KLHDC1: variants seen among roughly 807,000 people sequenced by gnomAD.
KLHDC1 encodes the protein kelch domain-containing protein 1.
Under a neutral mutation model 68.3 loss-of-function variants are expected in KLHDC1, and 53 were observed. The ratio of observed to expected loss-of-function variants is 0.78; its 90% confidence interval spans 0.62 to 0.98. The LOEUF is 0.98. KLHDC1 is among the 50% of genes least tolerant of loss of function. KLHDC1 has a pLI of 0.00. For synonymous variants in KLHDC1, 148 were observed against 159.0 expected, an observed-to-expected ratio of 0.93 and a Z score of 0.52; for missense variants, 470 against 492.3, an observed-to-expected ratio of 0.95 and a Z score of 0.43.
chr14:49,749,074 C>T (rs1889264080), intron 12 of KLHDC1, among the ~76,000 whole-genome samples: 1 of 152,054 alleles, frequency 6.6e-6, no homozygotes, highest in Non-Finnish European at 1.5e-5. Context: ...GCTGGGATTA[C>T]AGGCGTGAGC....
intron 10 of KLHDC1, among the ~76,000 whole-genome samples, chr14:49,734,995 CA>C (rs1307000378): frequency 6.6e-6 from 1 of 151,774 alleles, no homozygotes; most frequent in African/African-American, 2.4e-5. Context: ...AATAAGCAGA[CA>C]AAAATGGGGT....
At chr14:49,711,026 A>ACT (rs10631064) in intron 4 of KLHDC1, among the ~76,000 whole-genome samples, 145,039 of 152,118 alleles carry the variant, frequency 0.95, 69,523 homozygotes, top group East Asian at 1. Context: ...ATGGAGTCTC[A>ACT]CTGTTGCTCA....
intron 12 of KLHDC1, among the ~76,000 whole-genome samples, chr14:49,745,387 TC>T (rs1382248226): frequency 2.6e-5 from 4 of 152,204 alleles, no homozygotes; most frequent in African/African-American, 9.7e-5. Flanking sequence ...GATTGCAAGT[TC>T]CTCATATGCA....
chr14:49,695,324 G>C (rs139081699), intron 1 of KLHDC1, among the ~76,000 whole-genome samples: 85 of 152,196 alleles, frequency 5.6e-4, no homozygotes, highest in African/African-American at 1.9e-3. Flanking sequence ...TAAATAATAA[G>C]ACTTGAAAGT....
intron 1 of KLHDC1, among the ~76,000 whole-genome samples, chr14:49,695,287 C>G (rs1566590403): frequency 6.6e-6 from 1 of 152,000 alleles, no homozygotes; most frequent in Admixed American, 6.6e-5. Context: ...CGTGAGCCAC[C>G]GTGCCCAGCC....
At chr14:49,716,948 T>C (rs745576288) in intron 4 of KLHDC1, among the ~76,000 whole-genome samples, 1 of 152,172 alleles carries the variant, frequency 6.6e-6, no homozygotes, top group Non-Finnish European at 1.5e-5. Flanking sequence ...AGATAATAGG[T>C]ATTTCATAAA....
At chr14:49,709,921 T>A in intron 3 of KLHDC1, 95 bp downstream of exon 3, 1 of 660,674 alleles carries the variant, frequency 1.5e-6, no homozygotes, top group Middle Eastern at 4.0e-4. Flanking sequence ...AGAAGATATA[T>A]ATAGAAAACC....
intron 6 of KLHDC1, 121 bp downstream of exon 6, chr14:49,725,890 C>T (rs988814446): frequency 7.0e-6 from 4 of 573,362 alleles, no homozygotes; most frequent in Non-Finnish European, 6.1e-6. Context: ...CTCTGTTGCC[C>T]AGGCTGGAGT....
intron 1 of KLHDC1, among the ~76,000 whole-genome samples, chr14:49,696,182 C>T (rs961895556): frequency 6.6e-6 from 1 of 151,080 alleles, no homozygotes; most frequent in African/African-American, 2.4e-5. Context: ...CTTCACCTTG[C>T]ACTTTTTTTT....
At chr14:49,745,982 T>C (rs1223265204) in intron 12 of KLHDC1, among the ~76,000 whole-genome samples, 1 of 152,008 alleles carries the variant, frequency 6.6e-6, no homozygotes, top group East Asian at 1.9e-4. Context: ...GTAAAGAAAA[T>C]TGGTAAAGAG....
intron 4 of KLHDC1, among the ~76,000 whole-genome samples, chr14:49,715,765 A>AAAAAAATATAT (rs1888360062): frequency 1.9e-5 from 1 of 51,396 alleles, no homozygotes; most frequent in African/African-American, 9.2e-5. Context: ...AAAAAAAAAA[A>AAAAAAATATAT]ATATATATAT....
chr14:49,710,191 G>T (rs748215088), intron 3 of KLHDC1, 72 bp from the exon 4 acceptor site: 3 of 800,960 alleles, frequency 3.7e-6, no homozygotes, highest in South Asian at 1.6e-5. Context: ...TTAATTCTTG[G>T]ATCACATTCC....
intron 1 of KLHDC1, among the ~76,000 whole-genome samples, chr14:49,693,742 C>CTTTTTTTTTTTTTTTT (rs1566589138): frequency 9.8e-5 from 6 of 60,924 alleles, no homozygotes; most frequent in African/African-American, 2.7e-4. Context: ...ATTTTCTTTT[C>CTTTTTTTTTTTTTTTT]TTTTTCTTTT....
chr14:49,746,090 G>C (rs1889193589), intron 12 of KLHDC1, among the ~76,000 whole-genome samples: 1 of 152,100 alleles, frequency 6.6e-6, no homozygotes, highest in South Asian at 2.1e-4. Flanking sequence ...GAGGGAGAAT[G>C]GACTTGGTAG....
intron 1 of KLHDC1, among the ~76,000 whole-genome samples, chr14:49,700,692 G>A (rs780825988): frequency 5.3e-5 from 8 of 152,100 alleles, no homozygotes; most frequent in Non-Finnish European, 1.0e-4. Flanking sequence ...AATGAAGGTG[G>A]AAGGCTTACC....
chr14:49,732,701 CAG>C lies in KLHDC1; in HGVS notation c.711-2_711-1del, dbSNP rs775127738. 2.6e-5 allele frequency: 37 copies of C among 1,438,782 alleles called. No individual in the cohort carries two copies. Among genetic ancestry groups the C allele is most frequent in the Non-Finnish European group, 3.5e-5 (36 of 1,024,820 alleles). The allele number at this position is 1,438,782 out of a possible 1,614,324, so 89.1% of individuals were successfully genotyped here. Reference sequence around the variant, plus strand: ...CTAGACTTTCTTTTTCTCCTTGCCACAGGATTACTATTAATGGAGAAAGCCCA... The same window carrying C: ...CTAGACTTTCTTTTTCTCCTTGCCACGATTACTATTAATGGAGAAAGCCCA... On this transcript the variant is annotated splice_acceptor_variant, in intron 8 of 12. Coordinates refer to ENST00000359332, the MANE Select transcript of KLHDC1 (RefSeq NM_172193.3). LOFTEE classifies it high-confidence loss of function.
chr14:49,708,232 G>A (rs1888111209), intron 1 of KLHDC1: 1 of 151,706 alleles, frequency 6.6e-6, no homozygotes, highest in Non-Finnish European at 1.5e-5. Flanking sequence ...CACCATGCCT[G>A]GCTAGTTTTT....
intron 5 of KLHDC1, among the ~76,000 whole-genome samples, chr14:49,725,053 C>A (rs760269154): frequency 6.6e-6 from 1 of 151,978 alleles, no homozygotes; most frequent in African/African-American, 2.4e-5. Flanking sequence ...CAAGGCCTGA[C>A]AAAAATAAAT....
Position 49,697,187 on chromosome 14 carries a change from G to A in KLHDC1, c.96+3897G>A, listed in dbSNP as rs556948330. ...CCTGACCTCGTGATCCGCCCGCCTC[G>A]GCCTCCCAGAGTGCTGGGATTATAG... On this transcript the variant is annotated intron_variant, in intron 1 of 12. Coordinates refer to ENST00000359332, the MANE Select transcript of KLHDC1 (RefSeq NM_172193.3). Among the ~76,000 whole-genome samples, 145 of 152,212 alleles carry A rather than the reference G, an allele frequency of 9.5e-4. 1 individual carries two copies. The highest frequency in any genetic ancestry group is 3.3e-3 in the African/African-American group (138 of 41,542).
Sources: allele counts gnomAD v4.1 joint callset (sites outside exome capture counted in the v4.1 genomes callset), GRCh38; gene constraint gnomAD v4.1.1; transcripts MANE v1.5; gene names NCBI Gene and HGNC (gene_info 2026-07-23, HGNC 2026-07-21).